Variants in CTNNA3 observed in about 807,000 individuals in gnomAD.
The protein encoded by CTNNA3 is catenin alpha-3.
Under a neutral mutation model 95.7 loss-of-function variants are expected in CTNNA3, and 76 were observed. The observed-to-expected ratio is 0.79, with a 90% CI of 0.66 to 0.96. CTNNA3 has a LOEUF of 0.96. CTNNA3 is among the 40% of genes least tolerant of loss of function. The pLI is 0.00. For synonymous variants in CTNNA3, 431 were observed against 374.4 expected, an observed-to-expected ratio of 1.15 and a Z score of -1.74; for missense variants, 1,191 against 1,089.8, an observed-to-expected ratio of 1.09 and a Z score of -1.31.
rs867071193 is a variant in CTNNA3, at chr10:66,224,573, A to G, written c.1884+55897T>C. ...CCTACAAGAAGGGCGTAGATGAGTC[A>G]GACACTGATCCAATTCTCACTGGCC... On this transcript the variant is annotated intron_variant, in intron 13 of 17. Coordinates refer to ENST00000433211, the MANE Select transcript of CTNNA3 (RefSeq NM_013266.4). Among the ~76,000 whole-genome samples, 5 of 152,318 alleles carry G rather than the reference A, an allele frequency of 3.3e-5. No homozygotes were observed. In the South Asian group the frequency reaches 1.0e-3, roughly 32 times the overall value.
intron 7 of CTNNA3, among the ~76,000 whole-genome samples, chr10:66,984,027 T>G (rs1207815435): frequency 2.6e-5 from 4 of 152,160 alleles, no homozygotes; most frequent in South Asian, 4.1e-4. Context: ...ATCTCCTGAG[T>G]GCCATGTGGT....
At chr10:67,326,419 A>AT (rs138502280) in intron 5 of CTNNA3, among the ~76,000 whole-genome samples, 6,432 of 152,086 alleles carry the variant, frequency 0.042, 192 homozygotes, top group South Asian at 0.1. Context: ...AAAGTAGTTG[A>AT]TGGTAACAAT....
chr10:67,498,697 T>C lies in CTNNA3; in HGVS notation c.579+23145A>G, dbSNP rs551082188. 4.6e-5 allele frequency among the ~76,000 whole-genome samples: 7 copies of C among 152,314 alleles called. No homozygotes were observed. In the East Asian group the frequency reaches 5.8e-4, roughly 13 times the overall value. ...AGGTATTTTATTCACTTTGTAGAAATTGTGAATGGGAGTTCACTCATGATT... is the reference window on the plus strand; with the variant it reads ...AGGTATTTTATTCACTTTGTAGAAACTGTGAATGGGAGTTCACTCATGATT... On this transcript the variant is annotated intron_variant, in intron 5 of 17. Coordinates refer to ENST00000433211, the MANE Select transcript of CTNNA3 (RefSeq NM_013266.4).
At chr10:66,881,542 T>A (rs1844851741) in intron 7 of CTNNA3, among the ~76,000 whole-genome samples, 1 of 152,110 alleles carries the variant, frequency 6.6e-6, no homozygotes, top group African/African-American at 2.4e-5. Flanking sequence ...GAGCACTTCA[T>A]CTGTACCCAG....
intron 17 of CTNNA3, among the ~76,000 whole-genome samples, chr10:65,926,459 A>G (rs983333709): frequency 5.3e-5 from 8 of 151,452 alleles, no homozygotes; most frequent in African/African-American, 1.9e-4. Context: ...TTCTAGCAAC[A>G]ATATATGAGT....
At chr10:65,921,842 G>A (rs1005056598) in intron 17 of CTNNA3, among the ~76,000 whole-genome samples, 2 of 152,158 alleles carry the variant, frequency 1.3e-5, no homozygotes, top group African/African-American at 4.8e-5. Flanking sequence ...GACCCCTGTT[G>A]GATGTTGGTC....
rs115441701 is a variant in CTNNA3 at position 66,424,490 on chromosome 10, T to A, written c.1532-45138A>T. Among the ~76,000 whole-genome samples the A allele has an allele frequency of 3.1e-3, 469 of 152,184 alleles. 3 individuals are homozygous for A. Among genetic ancestry groups the A allele is most frequent in the African/African-American group, 0.01 (435 of 41,574 alleles). ...GCATTCAGTTGCATTCCACAGGTTG[T>A]GAAATGAATTCTCATTGTCTTGCAA... On this transcript the variant is annotated intron_variant, in intron 11 of 17. Coordinates refer to ENST00000433211, the MANE Select transcript of CTNNA3 (RefSeq NM_013266.4).
chr10:66,313,004 T>A (rs945350333), intron 12 of CTNNA3, among the ~76,000 whole-genome samples: 2 of 152,004 alleles, frequency 1.3e-5, no homozygotes, highest in African/African-American at 4.8e-5. Flanking sequence ...TAAAATGAAA[T>A]CACACAAATC....
At chr10:67,165,775 G>T (rs1033579831) in intron 7 of CTNNA3, among the ~76,000 whole-genome samples, 1 of 152,144 alleles carries the variant, frequency 6.6e-6, no homozygotes, top group African/African-American at 2.4e-5. Flanking sequence ...CAGTTATCAA[G>T]TAGATTCAGT....
Position 67,255,577 on chromosome 10 carries a change from C to T in CTNNA3, c.580-35707G>A, listed in dbSNP as rs1282473136. Among the ~76,000 whole-genome samples the T allele has an allele frequency of 3.9e-5, 6 of 152,234 alleles. No homozygotes were observed. In the South Asian group the frequency reaches 1.0e-3, roughly 26 times the overall value. ...AAATACTTTAATCCTTCTAATAACC[C>T]TATGAAGCAAATTATTGTCTTCATT... is the stretch of plus-strand genomic sequence containing the variant. On this transcript the variant is annotated intron_variant, in intron 5 of 17. Coordinates refer to ENST00000433211, the MANE Select transcript of CTNNA3 (RefSeq NM_013266.4).
chr10:66,892,677 C>G (rs1845318195), intron 7 of CTNNA3, among the ~76,000 whole-genome samples: 4 of 152,050 alleles, frequency 2.6e-5, no homozygotes, highest in Admixed American at 1.3e-4. Context: ...ATTAGCTAGC[C>G]ATGACTGTAT....
intron 9 of CTNNA3, among the ~76,000 whole-genome samples, chr10:66,740,919 C>T (rs1259430871): frequency 6.6e-6 from 1 of 152,142 alleles, no homozygotes; most frequent in Non-Finnish European, 1.5e-5. Flanking sequence ...CTAGACTGTG[C>T]CACTGTTCTA....
chr10:67,666,581 A>G (rs1423023865), intron 1 of CTNNA3, among the ~76,000 whole-genome samples: 1 of 152,174 alleles, frequency 6.6e-6, no homozygotes, highest in Non-Finnish European at 1.5e-5. Context: ...ACAAACAAAC[A>G]AAAAAGCCAA....
intron 6 of CTNNA3, among the ~76,000 whole-genome samples, chr10:67,193,748 C>T (rs926045302): frequency 6.6e-6 from 1 of 152,006 alleles, no homozygotes; most frequent in African/African-American, 2.4e-5. Flanking sequence ...CATTGGTGGG[C>T]ATTTAGTTTG....
intron 5 of CTNNA3, among the ~76,000 whole-genome samples, chr10:67,418,827 AGTT>A (rs1845638007): frequency 6.6e-6 from 1 of 152,194 alleles, no homozygotes; most frequent in South Asian, 2.1e-4. Flanking sequence ...TATTTTTGGA[AGTT>A]GTTAAGAGAA....
chr10:67,159,932 C>T, intron 7 of CTNNA3, among the ~76,000 whole-genome samples: 1 of 152,020 alleles, frequency 6.6e-6, no homozygotes, highest in East Asian at 1.9e-4. Context: ...GAAGACACAA[C>T]CTATAGAATG....
Position 67,221,857 on chromosome 10 carries a change from C to T in CTNNA3, c.580-1987G>A, listed in dbSNP as rs1471343507. On this transcript the variant is annotated intron_variant, in intron 5 of 17. Transcript: ENST00000433211. ...CCAAAGTGGAAAAATTTCTTATTTG[C>T]TACACAGAATGAGGACTTGTATTTG... Among the ~76,000 whole-genome samples, 5 of 152,106 alleles carry T rather than the reference C, an allele frequency of 3.3e-5. No individual in the cohort carries two copies. In the East Asian group the frequency reaches 7.7e-4, roughly 23 times the overall value.
chr10:66,724,922 T>C (rs1848735040), intron 9 of CTNNA3, among the ~76,000 whole-genome samples: 1 of 152,142 alleles, frequency 6.6e-6, no homozygotes, highest in Non-Finnish European at 1.5e-5. Flanking sequence ...CATTACTCTG[T>C]TTCAAAGTGG....
chr10:66,893,228 C>A (rs930663888), intron 7 of CTNNA3, among the ~76,000 whole-genome samples: 4 of 152,150 alleles, frequency 2.6e-5, no homozygotes, highest in Non-Finnish European at 4.4e-5. Flanking sequence ...GAAAAGACAT[C>A]AAAAATATTT....
Sources: gnomAD v4.1 joint callset for allele counts (sites outside exome capture counted in the v4.1 genomes callset) on GRCh38, gnomAD v4.1.1 for gene constraint, MANE v1.5 for transcripts, NCBI Gene and HGNC (gene_info 2026-07-23, HGNC 2026-07-21) for gene names.